MYO7B: variants seen among roughly 807,000 people sequenced by gnomAD.
MYO7B encodes unconventional myosin-VIIb.
MYO7B carries 212 observed loss-of-function variants against 259.7 expected under a neutral mutation model. The observed-to-expected ratio is 0.82, with a 90% CI of 0.73 to 0.91. The LOEUF (loss-of-function observed/expected upper bound fraction) is 0.91, where lower values mean the gene tolerates loss of function less well. Ranked by LOEUF, MYO7B falls within the 40% of genes least tolerant of loss-of-function variation. The pLI is 0.00. For missense variants in MYO7B, 2,732 were observed against 2,813.5 expected, an observed-to-expected ratio of 0.97 and a Z score of 0.66; for synonymous variants, 1,197 against 1,166.4, an observed-to-expected ratio of 1.03 and a Z score of -0.54.
rs1306394287 is a variant in MYO7B, at chr2:127,628,246, C to T, written c.4461-126C>T. The T allele has an allele frequency of 3.3e-6, 4 of 1,196,162 alleles. No individual in the cohort carries two copies. The highest frequency in any genetic ancestry group is 5.1e-5 in the East Asian group (2 of 39,268). The allele number at this position is 1,196,162 out of a possible 1,614,324, so 74.1% of individuals were successfully genotyped here. On this transcript the variant is annotated intron_variant, in intron 33 of 47. Transcript: ENST00000409816. The surrounding 1 kb of genome is among the most constrained non-coding windows in gnomAD (Gnocchi z 4.8). ...AGTGGTGTCTGGCCTAGTCCTGGCCCTGGCAGAGCAGCTCTGTGTCCTCAT... is the reference window on the plus strand; with the variant it reads ...AGTGGTGTCTGGCCTAGTCCTGGCCTTGGCAGAGCAGCTCTGTGTCCTCAT...
intron 1 of MYO7B, among the ~76,000 whole-genome samples, chr2:127,540,722 C>T (rs1483801177): frequency 6.6e-6 from 1 of 152,136 alleles, no homozygotes; most frequent in African/African-American, 2.4e-5. Flanking sequence ...AGGACCATCC[C>T]ACAAATGAAT....
chr2:127,567,028 G>A (rs1678382406), intron 5 of MYO7B, among the ~76,000 whole-genome samples: 1 of 152,148 alleles, frequency 6.6e-6, no homozygotes, highest in Admixed American at 6.5e-5. Context: ...GGCTTTCATC[G>A]TGTCACCAGG....
intron 19 of MYO7B, among the ~76,000 whole-genome samples, chr2:127,599,718 A>G (rs1223500034): frequency 6.6e-6 from 1 of 152,198 alleles, no homozygotes; most frequent in African/African-American, 2.4e-5. Context: ...GGGAGTTTTT[A>G]TCATGAACAA....
chr2:127,569,207 CAAA>C lies in MYO7B; in HGVS notation c.471-564_471-562del, dbSNP rs35076829. ...TGGGTGACAGAGTGAGACTCCGTCT[CAAA>C]AAAAAAAAAAAAAAAAAGGTAATAT... is the stretch of plus-strand genomic sequence containing the variant. On this transcript the variant is annotated intron_variant, in intron 5 of 47. Coordinates refer to ENST00000409816, the MANE Select transcript of MYO7B (RefSeq NM_001393586.1). Among the ~76,000 whole-genome samples the C allele has an allele frequency of 9.0e-5, 7 of 77,436 alleles. No homozygotes were observed. In the East Asian group the frequency reaches 1.2e-3, roughly 13 times the overall value. The allele number at this position is 77,436 out of a possible 152,430, so 50.8% of individuals were successfully genotyped here. A position where few individuals can be genotyped will look rare whatever the true frequency, so the allele number is the denominator to read the frequency against.
intron 1 of MYO7B, among the ~76,000 whole-genome samples, chr2:127,543,134 G>A (rs1375944799): frequency 2.0e-5 from 3 of 152,126 alleles, no homozygotes; most frequent in South Asian, 2.1e-4. Flanking sequence ...TACGGGTGTC[G>A]GGCTGGGGGA....
In MYO7B at chr2:127,629,643, A is replaced by G. The variant is rs1304436390; in HGVS notation, c.4625-2A>G. 1 of 1,611,542 alleles carries G rather than the reference A, an allele frequency of 6.2e-7. No homozygotes were observed. Among genetic ancestry groups the G allele is most frequent in the Non-Finnish European group, 8.5e-7 (1 of 1,179,200 alleles). On this transcript the variant is annotated splice_acceptor_variant, in intron 34 of 47. Transcript: ENST00000409816. LOFTEE classifies it high-confidence loss of function. ...CAGCAAATAGCCTCCCTGCCCTTAC[A>G]GATGACACCACCCTCCTGGCCTTCA...
At position 127,628,681 on chromosome 2, in the gene MYO7B, G is replaced by C; in HGVS notation, c.4624+146G>C. 1 of 864,156 alleles carries C rather than the reference G, an allele frequency of 1.2e-6. No individual in the cohort carries two copies. The allele number at this position is 864,156 out of a possible 1,614,324, so 53.5% of individuals were successfully genotyped here. On this transcript the variant is annotated intron_variant, in intron 34 of 47. Coordinates refer to ENST00000409816, the MANE Select transcript of MYO7B (RefSeq NM_001393586.1). The surrounding 1 kb of genome is among the most constrained non-coding windows in gnomAD (Gnocchi z 4.8). ...AAGGCCCCAAAGCTCTGTGGGGGCA[G>C]CTTTAGGCAAGGCCCTGCCTTCTTT...
At chr2:127,635,289 G>A in intron 43 of MYO7B, 63 bp downstream of exon 43, 2 of 1,479,156 alleles carry the variant, frequency 1.4e-6, no homozygotes, top group Admixed American at 1.9e-5. Context: ...CCTGTTCTGA[G>A]GCTGTAGAAG....
rs563954499 is a variant in MYO7B at position 127,588,606 on chromosome 2, C to A, written c.1854+51C>A. On this transcript the variant is annotated intron_variant, in intron 15 of 47. Coordinates refer to ENST00000409816, the MANE Select transcript of MYO7B (RefSeq NM_001393586.1). ...TCTGTCACCCCTGATGGCTACAGGG[C>A]CAGACAGACATGTACAGGAAAGACT... The A allele has an allele frequency of 3.0e-4, 487 of 1,599,170 alleles. 1 individual carries two copies. Among genetic ancestry groups the A allele is most frequent in the East Asian group, 2.9e-4 (13 of 44,808 alleles).
intron 1 of MYO7B, among the ~76,000 whole-genome samples, chr2:127,549,793 C>T (rs1326088263): frequency 6.6e-6 from 1 of 151,920 alleles, no homozygotes; most frequent in African/African-American, 2.4e-5. Context: ...TCCTGGTGGC[C>T]CTGAGAGAGT....
rs1389938471 is a variant in MYO7B, at chr2:127,574,124, C to A, written c.735+62C>A. The A allele has an allele frequency of 6.3e-6, 10 of 1,595,174 alleles. No homozygotes were observed. The East Asian group carries it at 1.1e-4, about 18-fold the overall frequency. ...AATGGGGGAGGTTTCCAAGAGGGGC[C>A]CCTTTCCCACTCTCACCTCTCCTCC... is the stretch of plus-strand genomic sequence containing the variant. On this transcript the variant is annotated intron_variant, in intron 7 of 47. Transcript: ENST00000409816.
Position 127,584,311 on chromosome 2 carries a change from C to G in MYO7B, c.1533C>G (p.Asp511Glu), listed in dbSNP as rs549700121. The change falls in exon 13 of 48, where the codon GAC becomes GAG. Residue 511 changes from aspartate to glutamate, a missense_variant. Around this residue, in one of 3 missense-constraint regions of MYO7B, gnomAD observed 1,906 missense variants for 2,026.4 expected, o/e 0.94. Coordinates refer to ENST00000409816, the MANE Select transcript of MYO7B (RefSeq NM_001393586.1). This position sits in a 1 kb window ranked among gnomAD's most constrained non-coding sequence, Gnocchi z 5.8. ...CCATGAGCATCATCTCCCTCCTGGACGAAGAAAGCCGCTTCCCGCAGGTGT... is the reference window on the plus strand; with the variant it reads ...CCATGAGCATCATCTCCCTCCTGGAGGAAGAAAGCCGCTTCCCGCAGGTGT... The part of the protein sequence containing the change: ...LKPMSIISLL[D>E]EESRFPQGTD... The G allele has an allele frequency of 6.2e-7, 1 of 1,613,932 alleles. No individual in the cohort carries two copies. Among genetic ancestry groups the G allele is most frequent in the Admixed American group, 1.7e-5 (1 of 60,026 alleles).
chr2:127,604,565 A>G (rs1680092971), intron 19 of MYO7B, among the ~76,000 whole-genome samples: 1 of 152,212 alleles, frequency 6.6e-6, no homozygotes, highest in South Asian at 2.1e-4. Context: ...TGTTTCGCGC[A>G]AGAGACCTAG....
At chr2:127,620,591 C>T in intron 27 of MYO7B, 125 bp downstream of exon 27, 3 of 1,168,000 alleles carry the variant, frequency 2.6e-6, no homozygotes, top group Non-Finnish European at 2.3e-6. Context: ...TCCTGCAGGC[C>T]AGATGGGCAG....
Position 127,584,915 on chromosome 2 carries a change from T to A in MYO7B, c.1690+2T>A. ...GCGAGGTGTACTACCAAGCAGAAGG[T>A]GGGTGCAGCTCTCCTCTCATGTCCC... On this transcript the variant is annotated splice_donor_variant, in intron 14 of 47. Transcript: ENST00000409816. LOFTEE classifies it high-confidence loss of function. The surrounding 1 kb of genome is among the most constrained non-coding windows in gnomAD (Gnocchi z 5.8). The A allele has an allele frequency of 6.2e-7, 1 of 1,613,636 alleles. No individual in the cohort carries two copies. Among genetic ancestry groups the A allele is most frequent in the East Asian group, 2.2e-5 (1 of 44,860 alleles).
chr2:127,633,387 C>T (rs1410713147), intron 40 of MYO7B, 24 bp downstream of exon 40: 52 of 1,605,448 alleles, frequency 3.2e-5, no homozygotes, highest in African/African-American at 5.3e-5. Flanking sequence ...CTGGTCTGCA[C>T]GGCAAGTCTC....
In MYO7B at chr2:127,614,562, A is replaced by G. The variant is rs189653904; in HGVS notation, c.3398+1959A>G. ...AGAGTACAAAAGTCAAGCACTAGCA[A>G]GAACTCAATCAACAGGCTCTATTCT... On this transcript the variant is annotated intron_variant, in intron 26 of 47. Transcript: ENST00000409816. This position sits in a 1 kb window ranked among gnomAD's most constrained non-coding sequence, Gnocchi z 4.6. Among the ~76,000 whole-genome samples, 2 of 152,326 alleles carry G rather than the reference A, an allele frequency of 1.3e-5. No homozygotes were observed. The highest frequency in any genetic ancestry group is 3.9e-4 in the East Asian group (2 of 5,184).
chr2:127,608,962 C>T (rs1263763641), intron 22 of MYO7B, 84 bp downstream of exon 22: 13 of 1,497,616 alleles, frequency 8.7e-6, no homozygotes, highest in Non-Finnish European at 1.1e-5. Flanking sequence ...CACCTCTCGG[C>T]TCCCTGAGAA....
At chr2:127,633,407 G>A in intron 40 of MYO7B, 44 bp downstream of exon 40, 3 of 1,580,790 alleles carry the variant, frequency 1.9e-6, no homozygotes, top group Non-Finnish European at 2.6e-6. Flanking sequence ...CAGGCCTCCA[G>A]AGGCCATGGG....
Sources: allele counts gnomAD v4.1 joint callset (sites outside exome capture counted in the v4.1 genomes callset), GRCh38; gene constraint gnomAD v4.1.1; regional missense constraint gnomAD v4.1.1; non-coding constraint Gnocchi (gnomAD v3.1); transcripts MANE v1.5; gene names NCBI Gene and HGNC (gene_info 2026-07-23, HGNC 2026-07-21).